DCHS2: variants seen among roughly 807,000 people sequenced by gnomAD.
The protein encoded by DCHS2 is protocadherin-23.
In DCHS2, 142 loss-of-function variants were observed where a neutral mutation model predicts 182.4. That is an observed-to-expected ratio of 0.78 (90% CI 0.68 to 0.89). The LOEUF is 0.89. DCHS2 is among the 40% of genes least tolerant of loss of function. DCHS2 has a pLI of 0.00. For synonymous variants in DCHS2, 1,740 were observed against 1,663.3 expected (o/e 1.05, Z -1.12); for missense variants, 4,319 against 4,198.6 (o/e 1.03, Z -0.79).
At chr4:154,362,349 C>T (rs1432487318) in intron 3 of DCHS2, among the ~76,000 whole-genome samples, 1 of 152,124 alleles carries the variant, frequency 6.6e-6, no homozygotes, top group Admixed American at 6.6e-5. Flanking sequence ...AAGTTTTGCT[C>T]CATATATCAA....
chr4:154,262,822 G>A (rs746419258), intron 14 of DCHS2, among the ~76,000 whole-genome samples: 40 of 152,202 alleles, frequency 2.6e-4, no homozygotes, highest in Admixed American at 1.8e-3. Context: ...TTTGTTTTGC[G>A]CCACTCTAAT....
chr4:154,480,226 T>C (rs1421791858), intron 1 of DCHS2, among the ~76,000 whole-genome samples: 1 of 152,160 alleles, frequency 6.6e-6, no homozygotes, highest in Non-Finnish European at 1.5e-5. Flanking sequence ...TTGTTAAAAA[T>C]CAAATCGTGT....
chr4:154,335,911 A>G (rs1728784115), intron 3 of DCHS2, among the ~76,000 whole-genome samples: 1 of 152,218 alleles, frequency 6.6e-6, no homozygotes. Context: ...CCGAGATGAC[A>G]GAAGATCAGA....
intron 6 of DCHS2, 124 bp downstream of exon 6, chr4:154,329,394 GTCTTC>G (rs1267244323): frequency 1.9e-5 from 17 of 910,108 alleles, no homozygotes; most frequent in Non-Finnish European, 3.3e-6. Flanking sequence ...CAGTATCTAG[GTCTTC>G]TAGAAAAAGT....
chr4:154,400,683 C>T (rs1732135534), intron 1 of DCHS2, among the ~76,000 whole-genome samples: 1 of 152,142 alleles, frequency 6.6e-6, no homozygotes, highest in Non-Finnish European at 1.5e-5. Flanking sequence ...ATAAAACTTC[C>T]TTAAAATCTG....
chr4:154,483,548 T>G (rs11099957), intron 1 of DCHS2, among the ~76,000 whole-genome samples: 138,544 of 152,200 alleles, frequency 0.91, 64,417 homozygotes, highest in East Asian at 1. Flanking sequence ...AAAACAGGCT[T>G]TCATTGTCTT....
At chr4:154,428,406 G>A (rs1232948318) in intron 1 of DCHS2, among the ~76,000 whole-genome samples, 1 of 151,982 alleles carries the variant, frequency 6.6e-6, no homozygotes, top group Non-Finnish European at 1.5e-5. Flanking sequence ...AGGCGTGGTG[G>A]TATGTGCCTG....
chr4:154,242,641 C>G lies in DCHS2; in HGVS notation c.7072+1G>C. 6.2e-7 allele frequency: 1 copy of G among 1,608,590 alleles called. No individual in the cohort carries two copies. Among genetic ancestry groups the G allele is most frequent in the Admixed American group, 1.7e-5 (1 of 58,654 alleles). ...CCACTATGCCAAATTGTCACACTTA[C>G]CTTCTGTAATTTCCACTGCTTCAGA... On this transcript the variant is annotated splice_donor_variant, in intron 17 of 19. Coordinates refer to ENST00000357232, the MANE Select transcript of DCHS2 (RefSeq NM_001358235.2). LOFTEE classifies it high-confidence loss of function.
At chr4:154,263,962 T>C (rs186829452) in intron 14 of DCHS2, among the ~76,000 whole-genome samples, 33 of 152,288 alleles carry the variant, frequency 2.2e-4, no homozygotes, top group African/African-American at 7.9e-4. Flanking sequence ...CTTGACTTTT[T>C]TTTTTAACCT....
rs1333324334 is a variant in DCHS2 at position 154,235,071 on chromosome 4, T to TC, written c.9580dup (p.Glu3194GlyfsTer6). 5 of 1,613,968 alleles carry TC rather than the reference T, an allele frequency of 3.1e-6. No individual in the cohort carries two copies. The highest frequency in any genetic ancestry group is 2.5e-6 in the Non-Finnish European group (3 of 1,179,940). On this transcript the variant is annotated frameshift_variant, in exon 20 of 20. Transcript: ENST00000357232. LOFTEE classifies it low-confidence loss of function (END_TRUNC). Reference sequence around the variant, plus strand: ...TTTTCTAACGTCAGCCAGGATGCTCTCTTTTGCCTCTCTCTTCTGAACTGT... The same window carrying TC: ...TTTTCTAACGTCAGCCAGGATGCTCTCCTTTTGCCTCTCTCTTCTGAACTGT...
intron 1 of DCHS2, among the ~76,000 whole-genome samples, chr4:154,388,260 C>T (rs1731504250): frequency 6.6e-6 from 1 of 151,424 alleles, no homozygotes; most frequent in African/African-American, 2.4e-5. Flanking sequence ...TCAATGTAGG[C>T]ATGAAAATTG....
intron 3 of DCHS2, among the ~76,000 whole-genome samples, chr4:154,343,112 A>G (rs1729186471): frequency 6.6e-6 from 1 of 152,176 alleles, no homozygotes; most frequent in Non-Finnish European, 1.5e-5. Flanking sequence ...TTTTGTGAAT[A>G]ATAGGTCTCA....
chr4:154,280,828 CT>C (rs547237868), intron 13 of DCHS2, among the ~76,000 whole-genome samples: 12,755 of 139,816 alleles, frequency 0.091, 1,121 homozygotes, highest in African/African-American at 0.21. Context: ...ATGCTCACTT[CT>C]TTTTTTTTTT....
intron 8 of DCHS2, 141 bp downstream of exon 8, chr4:154,322,190 A>T (rs1736086213): frequency 8.1e-7 from 1 of 1,233,532 alleles, no homozygotes; most frequent in Non-Finnish European, 1.1e-6. Flanking sequence ...GCTATGTGCA[A>T]TGCTCTCAAA....
At chr4:154,465,288 G>T (rs1201197754) in intron 1 of DCHS2, among the ~76,000 whole-genome samples, 1 of 152,100 alleles carries the variant, frequency 6.6e-6, no homozygotes, top group East Asian at 1.9e-4. Context: ...CACTGTGTGG[G>T]TTCACCATAG....
chr4:154,266,343 T>C (rs2111191915), intron 14 of DCHS2, among the ~76,000 whole-genome samples: 1 of 151,950 alleles, frequency 6.6e-6, no homozygotes, highest in East Asian at 1.9e-4. Flanking sequence ...TGTTGTTTGT[T>C]TGTTTGTTTG....
intron 2 of DCHS2, among the ~76,000 whole-genome samples, chr4:154,367,678 A>G (rs1730448673): frequency 6.6e-6 from 1 of 152,160 alleles, no homozygotes; most frequent in African/African-American, 2.4e-5. Context: ...GTAAGTCACA[A>G]CAGCCTGGGT....
rs562983825 is a variant in DCHS2, at chr4:154,451,607, C to A, written c.2052+37697G>T. On this transcript the variant is annotated intron_variant, in intron 1 of 19. Transcript: ENST00000357232. ...TTGGGCCTGTTCACAGATGCTTCCA[C>A]ATGACATGCAGGCACCATCTGAAAG... Among the ~76,000 whole-genome samples, 17 of 152,310 alleles carry A rather than the reference C, an allele frequency of 1.1e-4. No individual in the cohort carries two copies. In the East Asian group the frequency reaches 3.3e-3, roughly 29 times the overall value.
At chr4:154,322,842 T>TGAA (rs1736121613) in intron 7 of DCHS2, 1 of 247,244 alleles carries the variant, frequency 4.0e-6, no homozygotes, top group Non-Finnish European at 7.7e-6. Context: ...TTATTTCTTC[T>TGAA]GTATATATTT....
Sources: gnomAD v4.1 joint callset for allele counts (sites outside exome capture counted in the v4.1 genomes callset) on GRCh38, gnomAD v4.1.1 for gene constraint, MANE v1.5 for transcripts, NCBI Gene and HGNC (gene_info 2026-07-23, HGNC 2026-07-21) for gene names.